The following ASB4 variants were observed in gnomAD, a reference collection of about 807,000 sequenced individuals.
The protein encoded by ASB4 is ankyrin repeat and SOCS box protein 4.
Under a neutral mutation model 38.6 loss-of-function variants are expected in ASB4, and 35 were observed. That is an observed-to-expected ratio of 0.91 (90% CI 0.69 to 1.20). ASB4 has a LOEUF of 1.20. Ranked by LOEUF, ASB4 falls within the 50% of genes most tolerant of loss-of-function variation. ASB4 has a pLI of 0.00. For synonymous variants in ASB4, 195 were observed against 201.3 expected, an observed-to-expected ratio of 0.97 and a Z score of 0.26; for missense variants, 557 against 527.2, an observed-to-expected ratio of 1.06 and a Z score of -0.55.
At chr7:95,515,606 G>T (rs1027435571) in intron 2 of ASB4, among the ~76,000 whole-genome samples, 1 of 151,906 alleles carries the variant, frequency 6.6e-6, no homozygotes, top group Admixed American at 6.6e-5. Context: ...CATAGAGACG[G>T]GGTTTCCCCA....
chr7:95,537,982 G>A lies in ASB4; in HGVS notation c.*223G>A, dbSNP rs1790919611. The A allele has an allele frequency of 2.0e-6, 1 of 499,380 alleles. No individual in the cohort carries two copies. Among genetic ancestry groups the A allele is most frequent in the African/African-American group, 1.9e-5 (1 of 52,562 alleles). 30.9% of individuals were successfully genotyped at this position (499,380 alleles called of 1,614,324 possible). ...GACAAGGATGTATTCAGAATGTACTGATAGAACAGTAATAACTAATATGTA... is the reference window on the plus strand; with the variant it reads ...GACAAGGATGTATTCAGAATGTACTAATAGAACAGTAATAACTAATATGTA... On this transcript the variant is annotated 3_prime_UTR_variant, in exon 5 of 5. Coordinates refer to ENST00000325885, the MANE Select transcript of ASB4 (RefSeq NM_016116.3).
the ASB4 span, among the ~76,000 whole-genome samples, chr7:95,471,057 C>A: frequency 6.6e-6 from 1 of 152,044 alleles, no homozygotes. Flanking sequence ...ATATTGATTT[C>A]GTTCTTGTTT....
rs142518207 is a variant in ASB4 at position 95,517,143 on chromosome 7, T to C, written c.488-10670T>C. Among the ~76,000 whole-genome samples the C allele has an allele frequency of 7.2e-3, 1,090 of 152,344 alleles. 11 individuals are homozygous for C. Among genetic ancestry groups the C allele is most frequent in the African/African-American group, 0.025 (1,029 of 41,588 alleles). On this transcript the variant is annotated intron_variant, in intron 2 of 4. Coordinates refer to ENST00000325885, the MANE Select transcript of ASB4 (RefSeq NM_016116.3). ...TTTTAAATTGGGTTATTTGGCTTTTTCTATTGAGTTGTAATAGTTCTATTT... is the reference window on the plus strand; with the variant it reads ...TTTTAAATTGGGTTATTTGGCTTTTCCTATTGAGTTGTAATAGTTCTATTT...
At position 95,515,219 on chromosome 7, in the gene ASB4, T is replaced by TTCTTTC. The variant is rs1554349232; in HGVS notation, c.488-12592_488-12587dup. ...TTTCTTTCTTTCTTTCTTTCTTTCT[T>TTCTTTC]TCTTTCTTTCTTTTTCTTTCTTTCT... On this transcript the variant is annotated intron_variant, in intron 2 of 4. Coordinates refer to ENST00000325885, the MANE Select transcript of ASB4 (RefSeq NM_016116.3). Among the ~76,000 whole-genome samples, 529 of 130,946 alleles carry TTCTTTC rather than the reference T, an allele frequency of 4.0e-3. 9 individuals carry two copies. Among genetic ancestry groups the TTCTTTC allele is most frequent in the African/African-American group, 0.016 (506 of 30,994 alleles). 85.9% of individuals were successfully genotyped at this position (130,946 alleles called of 152,430 possible).
At chr7:95,493,392 A>ATGTG (rs901517397) in intron 1 of ASB4, among the ~76,000 whole-genome samples, 6 of 38,290 alleles carry the variant, frequency 1.6e-4, no homozygotes, top group Non-Finnish European at 3.0e-4. Flanking sequence ...GTGTGTGTGT[A>ATGTG]TGTGTGTGTG....
At chr7:95,522,055 A>G (rs1040012777) in intron 2 of ASB4, among the ~76,000 whole-genome samples, 1 of 152,160 alleles carries the variant, frequency 6.6e-6, no homozygotes, top group African/African-American at 2.4e-5. Flanking sequence ...ATGTTTGACT[A>G]TTTCATAATT....
chr7:95,487,798 T>G (rs979657972), intron 1 of ASB4, among the ~76,000 whole-genome samples: 1 of 152,170 alleles, frequency 6.6e-6, no homozygotes, highest in Non-Finnish European at 1.5e-5. Flanking sequence ...ATTAGGGAGA[T>G]AGCAAATTAC....
intron 3 of ASB4, among the ~76,000 whole-genome samples, chr7:95,530,930 G>C (rs534762761): frequency 5.3e-5 from 8 of 152,118 alleles, no homozygotes; most frequent in Non-Finnish European, 8.8e-5. Context: ...CATGGACTTT[G>C]GGGTCAAACT....
chr7:95,504,427 G>A (rs374846311), intron 2 of ASB4, among the ~76,000 whole-genome samples: 84 of 152,240 alleles, frequency 5.5e-4, no homozygotes, highest in African/African-American at 1.8e-3. Flanking sequence ...ATTTTAATCC[G>A]AAATAGATAT....
the ASB4 span, among the ~76,000 whole-genome samples, chr7:95,545,352 A>G: frequency 6.6e-6 from 1 of 152,196 alleles, no homozygotes; most frequent in Non-Finnish European, 1.5e-5. Flanking sequence ...TCTTGCCTTC[A>G]TTGGAAAGAG....
At position 95,537,928 on chromosome 7, in the gene ASB4, A is replaced by G; in HGVS notation, c.*169A>G. 1.7e-6 allele frequency: 1 copy of G among 597,362 alleles called. No homozygotes were observed. Among genetic ancestry groups the G allele is most frequent in the South Asian group, 2.5e-5 (1 of 39,736 alleles). 37.0% of individuals were successfully genotyped at this position (597,362 alleles called of 1,614,324 possible). ...AGAATATCATGGTATGGGGAAATAA[A>G]GAAGAAGTAAAGTTAAGGAATTTTC... On this transcript the variant is annotated 3_prime_UTR_variant, in exon 5 of 5. Coordinates refer to ENST00000325885, the MANE Select transcript of ASB4 (RefSeq NM_016116.3).
At chr7:95,472,078 T>TGG in the ASB4 span, 2 of 151,872 alleles carry the variant, frequency 1.3e-5, no homozygotes, top group African/African-American at 4.8e-5. Context: ...TGGGTGTGTG[T>TGG]GGTGGTGGGA....
chr7:95,496,627 A>T (rs982865217), intron 2 of ASB4, among the ~76,000 whole-genome samples: 1 of 152,262 alleles, frequency 6.6e-6, no homozygotes, highest in East Asian at 1.9e-4. Context: ...TGAGAGGATC[A>T]CTTGAGCCCA....
the ASB4 span, among the ~76,000 whole-genome samples, chr7:95,473,093 G>C: frequency 6.6e-6 from 1 of 152,088 alleles, no homozygotes; most frequent in East Asian, 1.9e-4. Context: ...TTCTCCACCA[G>C]GGAAGTAATG....
chr7:95,527,065 T>C (rs1269373988), intron 2 of ASB4, among the ~76,000 whole-genome samples: 1 of 152,252 alleles, frequency 6.6e-6, no homozygotes, highest in Non-Finnish European at 1.5e-5. Context: ...TAAAACATTT[T>C]GCAGTCTCTG....
At chr7:95,516,345 T>G (rs1163456152) in intron 2 of ASB4, among the ~76,000 whole-genome samples, 1 of 152,154 alleles carries the variant, frequency 6.6e-6, no homozygotes, top group Non-Finnish European at 1.5e-5. Context: ...CAATGGTTTT[T>G]TGGAATTAAA....
In ASB4 at chr7:95,495,698, A is replaced by G. The variant is rs1182972696; in HGVS notation, c.188-60A>G. 24 of 1,491,046 alleles carry G rather than the reference A, an allele frequency of 1.6e-5. No individual in the cohort carries two copies. The East Asian group carries it at 4.8e-4, about 30-fold the overall frequency. The allele number at this position is 1,491,046 out of a possible 1,614,324, so 92.4% of individuals were successfully genotyped here. ...ATACTTGTAAAAATCCTCACAAAACAGGGAGAAAGCCTAGGTCAAGAAGTT... is the reference window on the plus strand; with the variant it reads ...ATACTTGTAAAAATCCTCACAAAACGGGGAGAAAGCCTAGGTCAAGAAGTT... On this transcript the variant is annotated intron_variant, in intron 1 of 4. Coordinates refer to ENST00000325885, the MANE Select transcript of ASB4 (RefSeq NM_016116.3).
chr7:95,482,160 A>C (rs888724843), upstream of ASB4, among the ~76,000 whole-genome samples: 31 of 152,342 alleles, frequency 2.0e-4, no homozygotes, highest in African/African-American at 6.7e-4. Flanking sequence ...TAAAATAATC[A>C]ATTGATTTTT....
chr7:95,509,674 A>G (rs1399343687), intron 2 of ASB4, among the ~76,000 whole-genome samples: 1 of 152,238 alleles, frequency 6.6e-6, no homozygotes, highest in African/African-American at 2.4e-5. Context: ...CTACATATAA[A>G]GGAAATTGAT....
Sources: allele counts gnomAD v4.1 joint callset (sites outside exome capture counted in the v4.1 genomes callset), GRCh38; gene constraint gnomAD v4.1.1; transcripts MANE v1.5; gene names NCBI Gene and HGNC (gene_info 2026-07-23, HGNC 2026-07-21).